CPEB4: variants seen among roughly 807,000 people sequenced by gnomAD.
CPEB4 encodes the protein cytoplasmic polyadenylation element binding protein 4, also known as cytoplasmic polyadenylation element-binding protein 4.
Under a neutral mutation model 72.5 loss-of-function variants are expected in CPEB4, and 12 were observed. The observed-to-expected ratio is 0.17, with a 90% CI of 0.11 to 0.27. The LOEUF (loss-of-function observed/expected upper bound fraction) is 0.27, where lower values mean the gene tolerates loss of function less well. Ranked by LOEUF, CPEB4 falls within the 10% of genes least tolerant of loss-of-function variation. The probability of loss-of-function intolerance (pLI) is 1.00; values close to 1 mark genes in which losing one functional copy is unlikely to be tolerated. For missense variants in CPEB4, 614 were observed against 908.5 expected, an observed-to-expected ratio of 0.68 and a Z score of 4.17; for synonymous variants, 302 against 326.3, an observed-to-expected ratio of 0.93 and a Z score of 0.80.
rs78040141 is a variant in CPEB4 at position 173,932,373 on chromosome 5, A to T, written c.1208-77A>T. 3 of 1,113,922 alleles carry T rather than the reference A, an allele frequency of 2.7e-6. No homozygotes were observed. The Admixed American group carries it at 6.1e-5, about 23-fold the overall frequency. 69.0% of individuals were successfully genotyped at this position (1,113,922 alleles called of 1,614,324 possible). A position where few individuals can be genotyped will look rare whatever the true frequency, so the allele number is the denominator to read the frequency against. On this transcript the variant is annotated intron_variant, in intron 2 of 9. Transcript: ENST00000265085. ...ACCTTGCCTATTTGAAAGCAAGTCA[A>T]TTCAGCTCTGTTATTGAATAAGTTT...
rs1367323854 is a variant in CPEB4 at position 173,956,336 on chromosome 5, T to C, written c.*199T>C. ...CACTGCAAACAATATGAACTCCTTTTTCGTATTGCCATCGGGTTGCATGGA... is the reference window on the plus strand; with the variant it reads ...CACTGCAAACAATATGAACTCCTTTCTCGTATTGCCATCGGGTTGCATGGA... On this transcript the variant is annotated 3_prime_UTR_variant, in exon 10 of 10. Transcript: ENST00000265085. 2.0e-6 allele frequency: 1 copy of C among 489,078 alleles called. No homozygotes were observed. The highest frequency in any genetic ancestry group is 3.1e-5 in the East Asian group (1 of 32,128). The allele number at this position is 489,078 out of a possible 1,614,324, so 30.3% of individuals were successfully genotyped here. A position where few individuals can be genotyped will look rare whatever the true frequency, so the allele number is the denominator to read the frequency against.
At chr5:173,943,620 T>C (rs1422117008) in intron 4 of CPEB4, among the ~76,000 whole-genome samples, 1 of 152,208 alleles carries the variant, frequency 6.6e-6, no homozygotes, top group Non-Finnish European at 1.5e-5. Context: ...AACTTATTCT[T>C]GGCACCTATA....
In CPEB4 at chr5:173,888,540, C is replaced by T. The variant is rs868454699; in HGVS notation, c.-1194C>T. On this transcript the variant is annotated 5_prime_UTR_variant, in exon 1 of 10. Transcript: ENST00000265085. The surrounding 1 kb of genome is among the most constrained non-coding windows in gnomAD (Gnocchi z 4.3). ...GGACTGCGGGACCAGGGTAAAGCGG[C>T]GACGGCGGCGACGGCCCAGCAACCG... 1.3e-4 allele frequency: 54 copies of T among 402,924 alleles called. No homozygotes were observed. The Middle Eastern group carries it at 2.5e-3, about 18-fold the overall frequency. 25.0% of individuals were successfully genotyped at this position (402,924 alleles called of 1,614,324 possible).
chr5:173,911,642 C>T (rs1253858868), intron 2 of CPEB4, among the ~76,000 whole-genome samples: 1 of 142,800 alleles, frequency 7.0e-6, no homozygotes, highest in African/African-American at 2.6e-5. Context: ...CAAAATAAAA[C>T]ATTTTTCTGG....
intron 3 of CPEB4, among the ~76,000 whole-genome samples, chr5:173,939,624 G>T (rs1332986059): frequency 6.6e-6 from 1 of 152,064 alleles, no homozygotes; most frequent in Non-Finnish European, 1.5e-5. Context: ...TCTGCATATA[G>T]GGCTAATAAC....
intron 1 of CPEB4, among the ~76,000 whole-genome samples, chr5:173,909,129 G>A (rs567595219): frequency 2.6e-5 from 4 of 152,144 alleles, no homozygotes; most frequent in Non-Finnish European, 4.4e-5. Flanking sequence ...CTCTTGAAAC[G>A]CACTTGGTTA....
In CPEB4 at chr5:173,959,466, A is replaced by C. The variant is rs1191133798; in HGVS notation, c.*3329A>C. The C allele has an allele frequency of 6.5e-6, 1 of 152,778 alleles. No individual in the cohort carries two copies. The highest frequency in any genetic ancestry group is 6.5e-5 in the Admixed American group (1 of 15,280). 9.5% of individuals were successfully genotyped at this position (152,778 alleles called of 1,614,324 possible). A position where few individuals can be genotyped will look rare whatever the true frequency, so the allele number is the denominator to read the frequency against. ...CACCCCTTTTGTTTTGAAGAGTTGAATCTTCTGTTAAAAGGTGATTTAAAA... is the reference window on the plus strand; with the variant it reads ...CACCCCTTTTGTTTTGAAGAGTTGACTCTTCTGTTAAAAGGTGATTTAAAA... On this transcript the variant is annotated 3_prime_UTR_variant, in exon 10 of 10. Transcript: ENST00000265085.
At chr5:173,942,246 C>T (rs1757873253) in intron 3 of CPEB4, among the ~76,000 whole-genome samples, 1 of 152,248 alleles carries the variant, frequency 6.6e-6, no homozygotes, top group Non-Finnish European at 1.5e-5. Context: ...CAAGATCAGG[C>T]ATTCAAGAAA....
At chr5:173,942,960 C>T (rs1436767469) in intron 3 of CPEB4, 66 bp from the exon 4 acceptor site, 1 of 1,509,622 alleles carries the variant, frequency 6.6e-7, no homozygotes, top group Non-Finnish European at 9.1e-7. Flanking sequence ...ACAGTTGATT[C>T]TTTTGACAAT....
intron 2 of CPEB4, among the ~76,000 whole-genome samples, chr5:173,927,540 G>A (rs976718760): frequency 6.6e-6 from 1 of 152,242 alleles, no homozygotes; most frequent in African/African-American, 2.4e-5. Flanking sequence ...CACTTCGGGA[G>A]GCCGAGGCAG....
intron 2 of CPEB4, among the ~76,000 whole-genome samples, chr5:173,928,236 G>C (rs1171964485): frequency 6.6e-6 from 1 of 152,144 alleles, no homozygotes; most frequent in Non-Finnish European, 1.5e-5. Flanking sequence ...TTATACATTT[G>C]TCCAAACCCA....
intron 1 of CPEB4, among the ~76,000 whole-genome samples, chr5:173,899,992 G>C (rs1001118057): frequency 1.3e-5 from 2 of 152,058 alleles, no homozygotes; most frequent in African/African-American, 4.8e-5. Flanking sequence ...TGGGGGTCGG[G>C]GGGTGTTGTG....
chr5:173,938,665 C>T (rs1223694687), intron 3 of CPEB4, among the ~76,000 whole-genome samples: 1 of 152,142 alleles, frequency 6.6e-6, no homozygotes, highest in Non-Finnish European at 1.5e-5. Context: ...ATCAGCGTAA[C>T]CCGAATAGGA....
In CPEB4 at chr5:173,960,997, T is replaced by G. The variant is rs1758534850; in HGVS notation, c.*4860T>G. On this transcript the variant is annotated 3_prime_UTR_variant, in exon 10 of 10. Coordinates refer to ENST00000265085, the MANE Select transcript of CPEB4 (RefSeq NM_030627.4). ...AAAATATAACACTGAGAATATCCTG[T>G]TTTGTCAGATTTAATATCTGTTCTT... 1 of 152,216 alleles carries G rather than the reference T, an allele frequency of 6.6e-6. No homozygotes were observed. The highest frequency in any genetic ancestry group is 6.5e-5 in the Admixed American group (1 of 15,286). The allele number at this position is 152,216 out of a possible 1,614,324, so 9.4% of individuals were successfully genotyped here.
rs757396735 is a variant in CPEB4 at position 173,945,032 on chromosome 5, C to T, written c.1348C>T (p.His450Tyr). Residue 450 changes from histidine (H) to tyrosine (Y), a missense_variant, in exon 5 of 10, where the codon CAT (histidine) becomes TAT (tyrosine). His to Tyr is a moderately conservative substitution (Grantham distance 83, BLOSUM62 2). This residue lies in a region of CPEB4 where 458 missense variants were observed against 548.6 expected (regional missense o/e 0.83). Coordinates refer to ENST00000265085, the MANE Select transcript of CPEB4 (RefSeq NM_030627.4). ...TGATGGCCGTGGGGATCAGCCTCTT[C>T]ATAGTGGCCTGGGTTCACCTCACTG... The part of the protein sequence containing the change: ...LDDGRGDQPL[H>Y]SGLGSPHCFS... 6.2e-7 allele frequency: 1 copy of T among 1,613,982 alleles called. No homozygotes were observed. The highest frequency in any genetic ancestry group is 8.5e-7 in the Non-Finnish European group (1 of 1,179,904).
In CPEB4 at chr5:173,956,098, C is replaced by A. The variant is rs746507891; in HGVS notation, c.2151C>A (p.Gly717=). The change falls in exon 10 of 10, where the codon GGC becomes GGA. Residue 717 remains glycine (G), a synonymous_variant. Transcript: ENST00000265085. ...REFHKPLVKE[G]GDRPRHISFR... ...TCCACAAGCCCCTGGTGAAGGAAGGCGGTGACCGCCCTCGGCATATTTCAT... is the reference window on the plus strand; with the variant it reads ...TCCACAAGCCCCTGGTGAAGGAAGGAGGTGACCGCCCTCGGCATATTTCAT... The A allele has an allele frequency of 1.2e-6, 2 of 1,614,078 alleles. No homozygotes were observed. Among genetic ancestry groups the A allele is most frequent in the Non-Finnish European group, 1.7e-6 (2 of 1,179,988 alleles).
At chr5:173,910,488 T>C in intron 1 of CPEB4, 35 bp from the exon 2 acceptor site, 1 of 1,470,956 alleles carries the variant, frequency 6.8e-7, no homozygotes, top group Non-Finnish European at 9.5e-7. Context: ...TAAATGCTAT[T>C]TTAAAAAGTG....
At chr5:173,918,506 G>A (rs1756959883) in intron 2 of CPEB4, among the ~76,000 whole-genome samples, 1 of 152,158 alleles carries the variant, frequency 6.6e-6, no homozygotes, top group South Asian at 2.1e-4. Flanking sequence ...AAGGCGGGGA[G>A]GGTAAGGGGA....
chr5:173,940,456 T>C (rs1036781993), intron 3 of CPEB4, among the ~76,000 whole-genome samples: 3 of 152,226 alleles, frequency 2.0e-5, no homozygotes, highest in Non-Finnish European at 4.4e-5. Flanking sequence ...AGAAGTTCTA[T>C]GTTGCAAGAA....
Sources: gnomAD v4.1 joint callset for allele counts (sites outside exome capture counted in the v4.1 genomes callset) on GRCh38, gnomAD v4.1.1 for gene constraint, gnomAD v4.1.1 regional missense constraint, Gnocchi (gnomAD v3.1) non-coding constraint, MANE v1.5 for transcripts, NCBI Gene and HGNC (gene_info 2026-07-23, HGNC 2026-07-21) for gene names.